Variants in SMAD6 observed in about 807,000 individuals in gnomAD.
SMAD6 encodes SMAD family member 6.
SMAD6 carries 103 observed loss-of-function variants against 39.4 expected under a neutral mutation model. The observed-to-expected ratio is 2.62, with a 90% confidence interval of 2.23 to 3.08. The LOEUF (loss-of-function observed/expected upper bound fraction) is 3.08. SMAD6 is among the 30% of genes most tolerant of loss of function. The probability of loss-of-function intolerance (pLI) is 0.00; values close to 1 mark genes in which losing one functional copy is unlikely to be tolerated. For synonymous variants in SMAD6, 445 were observed against 353.3 expected, an observed-to-expected ratio of 1.26 and a Z score of -2.91; for missense variants, 1,104 against 742.9, an observed-to-expected ratio of 1.49 and a Z score of -5.65.
Position 66,704,083 on chromosome 15 carries a change from C to G in SMAD6, c.817+8C>G. On this transcript the variant is annotated splice_region_variant and intron_variant, in intron 1 of 3. Coordinates refer to ENST00000288840, the MANE Select transcript of SMAD6 (RefSeq NM_005585.5). ...GCCGGCTCTGCGGGCCCGGTGAGCG[C>G]GCTGCGCCGGCCGGGGGGGCCCCGG... 6.8e-7 allele frequency: 1 copy of G among 1,464,258 alleles called. No individual in the cohort carries two copies. The highest frequency in any genetic ancestry group is 9.0e-7 in the Non-Finnish European group (1 of 1,115,376). 90.7% of individuals were successfully genotyped at this position (1,464,258 alleles called of 1,614,324 possible).
chr15:66,781,113 T>C lies in SMAD6; in HGVS notation c.1069T>C (p.Phe357Leu). 6.2e-7 allele frequency: 1 copy of C among 1,609,028 alleles called. No individual in the cohort carries two copies. The highest frequency in any genetic ancestry group is 8.5e-7 in the Non-Finnish European group (1 of 1,179,722). Reference protein sequence around the residue: ...YAVYDQAVSIFYDLPQGSGFC... With the variant: ...YAVYDQAVSILYDLPQGSGFC... ...GGTGTACGACCAGGCCGTCAGCATC[T>C]TCTACGACCTACCTCAGGGCAGCGG... The change falls in exon 4 of 4, where the codon TTC becomes CTC. Residue 357 changes from phenylalanine (F) to leucine (L), a missense_variant. Physicochemically the swap from Phe to Leu is conservative, Grantham distance 22. Transcript: ENST00000288840.
At chr15:66,773,901 A>T (rs72758530) in intron 3 of SMAD6, among the ~76,000 whole-genome samples, 1 of 152,140 alleles carries the variant, frequency 6.6e-6, no homozygotes, top group Admixed American at 6.5e-5. Context: ...AGGCCCATCA[A>T]TGAGGGGCTG....
At chr15:66,754,616 A>T (rs1894065796) in intron 3 of SMAD6, among the ~76,000 whole-genome samples, 1 of 152,164 alleles carries the variant, frequency 6.6e-6, no homozygotes. Flanking sequence ...TTGTAGGGTT[A>T]TGCAGAATGA....
In SMAD6 at chr15:66,716,420, G is replaced by C. The variant is rs768925483; in HGVS notation, c.875-1G>C. ...AGTTCTCTTTTTCTTTCCTCCCACA[G>C]ATCTGTCCGATTCCACATTGTCTTA... On this transcript the variant is annotated splice_acceptor_variant, in intron 2 of 3. Coordinates refer to ENST00000288840, the MANE Select transcript of SMAD6 (RefSeq NM_005585.5). LOFTEE classifies it high-confidence loss of function. The C allele has an allele frequency of 6.2e-6, 10 of 1,611,120 alleles. No individual in the cohort carries two copies. Among genetic ancestry groups the C allele is most frequent in the African/African-American group, 2.7e-5 (2 of 74,854 alleles).
intron 3 of SMAD6, among the ~76,000 whole-genome samples, chr15:66,726,426 G>T (rs1893522693): frequency 6.6e-6 from 1 of 152,216 alleles, no homozygotes; most frequent in African/African-American, 2.4e-5. Context: ...GGCCCAGGGA[G>T]ACTCTGACTG....
chr15:66,739,982 C>T (rs1387395857), intron 3 of SMAD6, among the ~76,000 whole-genome samples: 1 of 152,194 alleles, frequency 6.6e-6, no homozygotes, highest in Non-Finnish European at 1.5e-5. Flanking sequence ...CTTTTCTCCT[C>T]AGCATTACGT....
chr15:66,780,932 C>T lies in SMAD6; in HGVS notation c.953-65C>T, dbSNP rs962405735. On this transcript the variant is annotated intron_variant, in intron 3 of 3. Coordinates refer to ENST00000288840, the MANE Select transcript of SMAD6 (RefSeq NM_005585.5). ...CTGTGCAGACAGCAGTGCCCACCTCCGCTCCTCGGTGCCTCCCACCTCCCC... is the reference window on the plus strand; with the variant it reads ...CTGTGCAGACAGCAGTGCCCACCTCTGCTCCTCGGTGCCTCCCACCTCCCC... The T allele has an allele frequency of 7.9e-5, 116 of 1,459,778 alleles. No individual in the cohort carries two copies. In the East Asian group the frequency reaches 2.8e-3, roughly 35 times the overall value. The allele number at this position is 1,459,778 out of a possible 1,614,324, so 90.4% of individuals were successfully genotyped here.
At chr15:66,726,962 C>T (rs923681988) in intron 3 of SMAD6, among the ~76,000 whole-genome samples, 2 of 152,124 alleles carry the variant, frequency 1.3e-5, no homozygotes, top group African/African-American at 4.8e-5. Context: ...GCAGAGCCCC[C>T]AGACTGTCTC....
At chr15:66,723,191 C>T (rs1010280374) in intron 3 of SMAD6, among the ~76,000 whole-genome samples, 1 of 152,120 alleles carries the variant, frequency 6.6e-6, no homozygotes, top group East Asian at 1.9e-4. Context: ...GTGTCTTGGA[C>T]CTCCACCCCT....
chr15:66,748,640 T>C (rs1358246620), intron 3 of SMAD6, among the ~76,000 whole-genome samples: 1 of 152,246 alleles, frequency 6.6e-6, no homozygotes, highest in East Asian at 1.9e-4. Context: ...AACTGCCACC[T>C]GAATCTCCCT....
intron 3 of SMAD6, chr15:66,717,066 G>A: frequency 7.8e-7 from 1 of 1,289,160 alleles, no homozygotes; most frequent in South Asian, 1.2e-5. Context: ...TCTGTCCCCT[G>A]CAGTTAGAAG....
chr15:66,742,823 C>T (rs1013089570), intron 3 of SMAD6, among the ~76,000 whole-genome samples: 5 of 152,116 alleles, frequency 3.3e-5, no homozygotes, highest in African/African-American at 9.7e-5. Context: ...TTAGACTGCC[C>T]GCTGCGCTCC....
In SMAD6 at chr15:66,781,340, C is replaced by CG. The variant is rs1227752618; in HGVS notation, c.1298dup (p.Tyr434LeufsTer131). ...CCCTGGTCGTGCGCAAGGTGCCCCCCGGCTACTCCATCAAGGTGTTCGACT... is the reference window on the plus strand; with the variant it reads ...CCCTGGTCGTGCGCAAGGTGCCCCCCGGGCTACTCCATCAAGGTGTTCGACT... On this transcript the variant is annotated frameshift_variant, in exon 4 of 4. Transcript: ENST00000288840. LOFTEE classifies it high-confidence loss of function. 1 of 1,598,978 alleles carries CG rather than the reference C, an allele frequency of 6.3e-7. No individual in the cohort carries two copies. Among genetic ancestry groups the CG allele is most frequent in the Non-Finnish European group, 8.5e-7 (1 of 1,174,454 alleles).
intron 3 of SMAD6, among the ~76,000 whole-genome samples, chr15:66,748,564 A>T (rs976571066): frequency 6.6e-6 from 1 of 152,228 alleles, no homozygotes; most frequent in Non-Finnish European, 1.5e-5. Context: ...GTGATTTAGT[A>T]TGAGAAAACA....
In SMAD6 at chr15:66,781,013, G is replaced by T; in HGVS notation, c.969G>T (p.Pro323=). The part of the protein sequence containing the change: ...PGEFSDASMS[P]DATKPSHWCS... ...GTCCCGCAGACGCCAGCATGTCTCCGGACGCCACCAAGCCGAGCCACTGGT... is the reference window on the plus strand; with the variant it reads ...GTCCCGCAGACGCCAGCATGTCTCCTGACGCCACCAAGCCGAGCCACTGGT... Residue 323 remains proline (P), a synonymous_variant, in exon 4 of 4, where the codon CCG becomes CCT. Coordinates refer to ENST00000288840, the MANE Select transcript of SMAD6 (RefSeq NM_005585.5). 1 of 1,578,132 alleles carries T rather than the reference G, an allele frequency of 6.3e-7. No homozygotes were observed.
chr15:66,767,959 CTTTTTTTTTTTTTTT>C (rs71142337), intron 3 of SMAD6, among the ~76,000 whole-genome samples: 947 of 60,360 alleles, frequency 0.016, 24 homozygotes, highest in Middle Eastern at 0.11. Context: ...CAAGCTGCAT[CTTTTTTTTTTTTTTT>C]TTTTTTTTTT....
chr15:66,704,039 T>G lies in SMAD6; in HGVS notation c.781T>G (p.Cys261Gly), dbSNP rs2140582832. The G allele has an allele frequency of 9.3e-6, 14 of 1,513,108 alleles. No individual in the cohort carries two copies. The highest frequency in any genetic ancestry group is 1.1e-5 in the Non-Finnish European group (12 of 1,140,006). 93.7% of individuals were successfully genotyped at this position (1,513,108 alleles called of 1,614,324 possible). Residue 261 changes from cysteine (C) to glycine (G), a missense_variant, in exon 1 of 4, where the codon TGC becomes GGC. Physicochemically the swap from Cys to Gly is radical, Grantham distance 159. Transcript: ENST00000288840. ...AAAADGPTVCCNPYHFSRLCG... is the reference protein window; with the variant it reads ...AAAADGPTVCGNPYHFSRLCG... ...CGCCGCCGACGGCCCTACCGTGTGCTGCAACCCCTACCACTTCAGCCGGCT... is the reference window on the plus strand; with the variant it reads ...CGCCGCCGACGGCCCTACCGTGTGCGGCAACCCCTACCACTTCAGCCGGCT...
chr15:66,749,322 G>A (rs1402512859), intron 3 of SMAD6, among the ~76,000 whole-genome samples: 3 of 152,178 alleles, frequency 2.0e-5, no homozygotes, highest in Admixed American at 1.3e-4. Flanking sequence ...GCCAGGCATG[G>A]TGGTGGGTGC....
At chr15:66,760,215 T>C (rs1394044096) in intron 3 of SMAD6, among the ~76,000 whole-genome samples, 1 of 152,064 alleles carries the variant, frequency 6.6e-6, no homozygotes, top group Non-Finnish European at 1.5e-5. Flanking sequence ...ATAATGCTCT[T>C]TTGCGATCAC....
Sources: allele counts gnomAD v4.1 joint callset (sites outside exome capture counted in the v4.1 genomes callset), GRCh38; gene constraint gnomAD v4.1.1; transcripts MANE v1.5; gene names NCBI Gene and HGNC (gene_info 2026-07-23, HGNC 2026-07-21).